NDST1: variants seen among roughly 807,000 people sequenced by gnomAD.
The protein encoded by NDST1 is bifunctional heparan sulfate N-deacetylase/N-sulfotransferase 1.
A neutral mutation model predicts 92.8 loss-of-function variants in NDST1; 35 were observed. That is an observed-to-expected ratio of 0.38 (90% confidence interval 0.29 to 0.50). The LOEUF is 0.50. NDST1 is among the 20% of genes least tolerant of loss of function. The probability of loss-of-function intolerance (pLI) is 0.94; values close to 1 mark genes in which losing one functional copy is unlikely to be tolerated. For missense variants in NDST1, 822 were observed against 1,182.7 expected, an observed-to-expected ratio of 0.69 and a Z score of 4.47; for synonymous variants, 493 against 500.3, an observed-to-expected ratio of 0.99 and a Z score of 0.19.
chr5:150,528,238 G>T lies in NDST1; in HGVS notation c.948G>T (p.Val316=). ...TGCCATTGGACCGCTACATCCTGGT[G>T]GACATTGATGACATCTTCGTGGGCA... ...LSLPLDRYIL[V]DIDDIFVGKE... Residue 316 remains valine (V), a synonymous_variant, in exon 3 of 15, where the codon GTG becomes GTT. Coordinates refer to ENST00000261797, the MANE Select transcript of NDST1 (RefSeq NM_001543.5). The T allele has an allele frequency of 1.2e-6, 2 of 1,611,570 alleles. No homozygotes were observed. The highest frequency in any genetic ancestry group is 1.7e-5 in the Admixed American group (1 of 59,976).
Position 150,535,694 on chromosome 5 carries a change from C to T in NDST1, c.1252-6C>T. The stretch of plus-strand genomic sequence containing the variant: ...GCTCACCCTGGCCTGGTCATCCTCT[C>T]CCTAGGAGCATGGCATTCCCACAGA... On this transcript the variant is annotated splice_region_variant and splice_polypyrimidine_tract_variant and intron_variant, in intron 5 of 14. Transcript: ENST00000261797. The T allele has an allele frequency of 1.2e-6, 2 of 1,614,136 alleles. No homozygotes were observed. Among genetic ancestry groups the T allele is most frequent in the Admixed American group, 1.7e-5 (1 of 60,036 alleles).
At chr5:150,519,550 T>C (rs1754143902) in intron 1 of NDST1, among the ~76,000 whole-genome samples, 1 of 152,130 alleles carries the variant, frequency 6.6e-6, no homozygotes, top group Non-Finnish European at 1.5e-5. Flanking sequence ...TCTACTGGCA[T>C]GGTGGCTCAT....
At chr5:150,501,239 G>A (rs749186998) in intron 1 of NDST1, among the ~76,000 whole-genome samples, 3 of 152,222 alleles carry the variant, frequency 2.0e-5, no homozygotes, top group East Asian at 1.9e-4. Flanking sequence ...AAGGGCAAGC[G>A]TAGCACCAGC....
intron 2 of NDST1, among the ~76,000 whole-genome samples, chr5:150,523,702 G>A (rs1034736327): frequency 1.3e-5 from 2 of 152,210 alleles, no homozygotes; most frequent in African/African-American, 4.8e-5. Context: ...GGGACCAGGC[G>A]GTGGGCTGTG....
At chr5:150,544,019 C>T (rs1755367822) in intron 10 of NDST1, among the ~76,000 whole-genome samples, 1 of 152,240 alleles carries the variant, frequency 6.6e-6, no homozygotes, top group Admixed American at 6.5e-5. Flanking sequence ...ACCTCGTGAT[C>T]TGCCCGCCTC....
upstream of NDST1, among the ~76,000 whole-genome samples, chr5:150,503,717 G>C (rs931832262): frequency 6.6e-6 from 1 of 152,174 alleles, no homozygotes; most frequent in South Asian, 2.1e-4. Flanking sequence ...GCTGCGGGCC[G>C]GCCCTAATGG....
intron 3 of NDST1, among the ~76,000 whole-genome samples, chr5:150,528,679 T>TAG (rs1200524308): frequency 1.3e-5 from 2 of 152,134 alleles, no homozygotes; most frequent in Non-Finnish European, 2.9e-5. Flanking sequence ...CCTGTCATCC[T>TAG]GGCTACACAG....
Position 150,551,752 on chromosome 5 carries a change from G to A in NDST1, c.2427-1G>A. On this transcript the variant is annotated splice_acceptor_variant, in intron 13 of 14. Transcript: ENST00000261797. LOFTEE classifies it high-confidence loss of function. ...ATCCAAAGACTTTCCCACCTCCACA[G>A]GTTTGATCCAAAGAAAGGATTTTGG... 2 of 1,612,590 alleles carry A rather than the reference G, an allele frequency of 1.2e-6. No individual in the cohort carries two copies. The highest frequency in any genetic ancestry group is 1.7e-6 in the Non-Finnish European group (2 of 1,178,898).
At position 150,519,988 on chromosome 5, in the gene NDST1, C is replaced by A. The variant is rs116406191; in HGVS notation, c.-387-880C>A. Among the ~76,000 whole-genome samples, 742 of 152,250 alleles carry A rather than the reference C, an allele frequency of 4.9e-3. 8 individuals are homozygous for A. Among genetic ancestry groups the A allele is most frequent in the African/African-American group, 0.017 (715 of 41,536 alleles). ...AGGTCCAGGGCGGGGGAGGCCTCCC[C>A]TCTGCATCCTGTGGTGGCAGTATGG... is the stretch of plus-strand genomic sequence containing the variant. On this transcript the variant is annotated intron_variant, in intron 1 of 14. Coordinates refer to ENST00000261797, the MANE Select transcript of NDST1 (RefSeq NM_001543.5).
rs1307308557 is a variant in NDST1, at chr5:150,556,133, A to G, written c.*2801A>G. 1 of 151,898 alleles carries G rather than the reference A, an allele frequency of 6.6e-6. No homozygotes were observed. Among genetic ancestry groups the G allele is most frequent in the Non-Finnish European group, 1.5e-5 (1 of 68,044 alleles). The allele number at this position is 151,898 out of a possible 1,614,324, so 9.4% of individuals were successfully genotyped here. On this transcript the variant is annotated 3_prime_UTR_variant, in exon 15 of 15. Transcript: ENST00000261797. ...GCCAGTCTTCAATGTCCACTAATTC[A>G]CTCTAAGCATTTGGCCAAAAAAAGG...
Position 150,521,222 on chromosome 5 carries a change from G to A in NDST1, c.-33G>A, listed in dbSNP as rs781720301. ...GGCCTTGGGGTAGCCAGGGCAGGCC[G>A]GGCCTCCGGTGGCCAAGGTCTCGGA... On this transcript the variant is annotated 5_prime_UTR_variant, in exon 2 of 15. Transcript: ENST00000261797. This position sits in a 1 kb window ranked among gnomAD's most constrained non-coding sequence, Gnocchi z 5.9. The A allele has an allele frequency of 2.1e-5, 34 of 1,589,556 alleles. No homozygotes were observed. Among genetic ancestry groups the A allele is most frequent in the African/African-American group, 9.4e-5 (7 of 74,276 alleles).
At chr5:150,522,535 G>C (rs534424366) in intron 2 of NDST1, among the ~76,000 whole-genome samples, 1 of 152,328 alleles carries the variant, frequency 6.6e-6, no homozygotes, top group South Asian at 2.1e-4. Context: ...GGGACTCTTA[G>C]TTGGATGCTT....
intron 7 of NDST1, 51 bp downstream of exon 7, chr5:150,539,407 C>A (rs199938010): frequency 6.2e-7 from 1 of 1,612,420 alleles, no homozygotes; most frequent in South Asian, 1.1e-5. Flanking sequence ...TGCTGCACAG[C>A]CTGTCTGCAG....
chr5:150,521,557 G>A lies in NDST1; in HGVS notation c.303G>A (p.Val101=), dbSNP rs777784083. 10 of 1,613,904 alleles carry A rather than the reference G, an allele frequency of 6.2e-6. No homozygotes were observed. In the Admixed American group the frequency reaches 8.3e-5, roughly 13 times the overall value. Residue 101 remains valine, a synonymous_variant, in exon 2 of 15, where the codon GTG becomes GTA. Coordinates refer to ENST00000261797, the MANE Select transcript of NDST1 (RefSeq NM_001543.5). This position sits in a 1 kb window ranked among gnomAD's most constrained non-coding sequence, Gnocchi z 5.9. ...SLYSQLGQEV[V]AILESSRFKY... ...ACTCGCAACTGGGCCAGGAGGTGGT[G>A]GCCATCCTGGAGTCCAGCCGCTTCA...
rs375612947 is a variant in NDST1, at chr5:150,521,790, G to A, written c.513+23G>A. ...AAGGTACACAAGAAGCAGGGTCCCC[G>A]AGCAGTTCAGAGCCCCCTCTGCAGC... On this transcript the variant is annotated intron_variant, in intron 2 of 14. Transcript: ENST00000261797. The surrounding 1 kb of genome is among the most constrained non-coding windows in gnomAD (Gnocchi z 5.9). 1.4e-4 allele frequency: 220 copies of A among 1,609,932 alleles called. No homozygotes were observed. The highest frequency in any genetic ancestry group is 2.0e-4 in the Admixed American group (12 of 60,004).
At chr5:150,531,604 A>G (rs1485185004) in intron 3 of NDST1, among the ~76,000 whole-genome samples, 3 of 150,586 alleles carry the variant, frequency 2.0e-5, no homozygotes, top group Admixed American at 6.7e-5. Context: ...GGTTCAAGCA[A>G]TTCTTCTGCC....
At chr5:150,516,846 A>G (rs1036725550) in intron 1 of NDST1, among the ~76,000 whole-genome samples, 6 of 151,892 alleles carry the variant, frequency 4.0e-5, no homozygotes, top group Non-Finnish European at 8.8e-5. Context: ...TTGTATTTTT[A>G]GTGGAGATGG....
In NDST1 at chr5:150,521,359, C is replaced by T. The variant is rs1001726500; in HGVS notation, c.105C>T (p.Ala35=). ...GCCTGTTCAGCGTTTTCATCTCGGC[C>T]TACTACCTATATGGCTGGAAGCGAG... ...IFCLFSVFIS[A]YYLYGWKRGL... is the part of the protein sequence containing the mutation. The change falls in exon 2 of 15, where the codon GCC becomes GCT. Residue 35 remains alanine, a synonymous_variant. Coordinates refer to ENST00000261797, the MANE Select transcript of NDST1 (RefSeq NM_001543.5). This position sits in a 1 kb window ranked among gnomAD's most constrained non-coding sequence, Gnocchi z 5.9. The T allele has an allele frequency of 3.7e-6, 6 of 1,613,596 alleles. No individual in the cohort carries two copies. Among genetic ancestry groups the T allele is most frequent in the Middle Eastern group, 1.6e-4 (1 of 6,084 alleles).
At position 150,557,796 on chromosome 5, in the gene NDST1, G is replaced by C. The variant is rs1308823386; in HGVS notation, c.*4464G>C. 1 of 152,672 alleles carries C rather than the reference G, an allele frequency of 6.5e-6. No individual in the cohort carries two copies. Among genetic ancestry groups the C allele is most frequent in the Non-Finnish European group, 1.5e-5 (1 of 68,086 alleles). 9.5% of individuals were successfully genotyped at this position (152,672 alleles called of 1,614,324 possible). A position where few individuals can be genotyped will look rare whatever the true frequency, so the allele number is the denominator to read the frequency against. ...CCCTAAGGGACTGGCATAGGGTTTT[G>C]TGGGGTCAATGCCAGGAACCTGGGG... On this transcript the variant is annotated 3_prime_UTR_variant, in exon 15 of 15. Coordinates refer to ENST00000261797, the MANE Select transcript of NDST1 (RefSeq NM_001543.5). This position sits in a 1 kb window ranked among gnomAD's most constrained non-coding sequence, Gnocchi z 4.7.
Sources: gnomAD v4.1 joint callset for allele counts (sites outside exome capture counted in the v4.1 genomes callset) on GRCh38, gnomAD v4.1.1 for gene constraint, Gnocchi (gnomAD v3.1) non-coding constraint, MANE v1.5 for transcripts, NCBI Gene and HGNC (gene_info 2026-07-23, HGNC 2026-07-21) for gene names.